Variants in EPM2A observed in about 807,000 individuals in gnomAD.
The protein encoded by EPM2A is EPM2A glucan phosphatase, laforin.
A neutral mutation model predicts 26.5 loss-of-function variants in EPM2A; 21 were observed. That is an observed-to-expected ratio of 0.79 (90% CI 0.56 to 1.14). The LOEUF (loss-of-function observed/expected upper bound fraction) is 1.14. Among genes scored for constraint, EPM2A ranks in the 50% most tolerant of loss-of-function variants. The pLI, the probability that EPM2A is intolerant of heterozygous loss-of-function variation, is 0.00. For synonymous variants in EPM2A, 217 were observed against 177.6 expected, an observed-to-expected ratio of 1.22 and a Z score of -1.76; for missense variants, 458 against 440.8, an observed-to-expected ratio of 1.04 and a Z score of -0.35.
At chr6:145,535,234 A>G (rs953947961) in intron 2 of EPM2A, among the ~76,000 whole-genome samples, 4 of 152,196 alleles carry the variant, frequency 2.6e-5, no homozygotes, top group African/African-American at 4.8e-5. Flanking sequence ...CTGTGTAACC[A>G]TCGCTTTAAA....
At chr6:145,459,458 T>C (rs1254455091) in intron 4 of EPM2A, among the ~76,000 whole-genome samples, 1 of 152,218 alleles carries the variant, frequency 6.6e-6, no homozygotes, top group East Asian at 1.9e-4. Flanking sequence ...TCCATATTTA[T>C]TCATCCAAAT....
intron 2 of EPM2A, among the ~76,000 whole-genome samples, chr6:145,676,225 C>A (rs1485775715): frequency 6.6e-6 from 1 of 151,944 alleles, no homozygotes; most frequent in Admixed American, 6.6e-5. Flanking sequence ...TCTTTGAAAC[C>A]AATGAAAACA....
At chr6:145,661,323 T>C (rs1023543533) in intron 2 of EPM2A, among the ~76,000 whole-genome samples, 11 of 152,342 alleles carry the variant, frequency 7.2e-5, no homozygotes, top group Admixed American at 1.3e-4. Context: ...CTTGAGTGTA[T>C]ATTTTTTCTA....
intron 2 of EPM2A, among the ~76,000 whole-genome samples, chr6:145,509,687 AT>A (rs990570698): frequency 6.6e-6 from 1 of 152,202 alleles, no homozygotes; most frequent in African/African-American, 2.4e-5. Context: ...AAGACTACAA[AT>A]CAATTAGCTA....
At chr6:145,543,815 C>T (rs1780547383) in intron 2 of EPM2A, among the ~76,000 whole-genome samples, 1 of 152,016 alleles carries the variant, frequency 6.6e-6, no homozygotes. Context: ...CCTAGATTTC[C>T]AAGAACTGTG....
At chr6:145,489,978 C>A (rs1357826510) in intron 4 of EPM2A, 1 of 1,384,410 alleles carries the variant, frequency 7.2e-7, no homozygotes, top group African/African-American at 1.4e-5. Flanking sequence ...GAACAAAGTA[C>A]CTGGCTGTCC....
intron 2 of EPM2A, among the ~76,000 whole-genome samples, chr6:145,544,701 A>G (rs1339717362): frequency 1.3e-5 from 2 of 152,182 alleles, no homozygotes; most frequent in African/African-American, 4.8e-5. Context: ...AGGATGTAGG[A>G]TGATGAATCA....
chr6:145,667,993 A>C (rs1779350886), intron 2 of EPM2A, among the ~76,000 whole-genome samples: 4 of 136,388 alleles, frequency 2.9e-5, no homozygotes, highest in Non-Finnish European at 6.2e-5. Context: ...GAAGGGGAAT[A>C]CCACACTCTG....
At chr6:145,646,546 C>A (rs1777481042) in intron 2 of EPM2A, among the ~76,000 whole-genome samples, 1 of 152,046 alleles carries the variant, frequency 6.6e-6, no homozygotes, top group African/African-American at 2.4e-5. Context: ...ACTGATCACC[C>A]TATTACCCTA....
intron 4 of EPM2A, among the ~76,000 whole-genome samples, chr6:145,461,060 C>T (rs1779323828): frequency 6.6e-6 from 1 of 152,112 alleles, no homozygotes; most frequent in Non-Finnish European, 1.5e-5. Context: ...CACCAGTTCC[C>T]TCATTCATCA....
intron 4 of EPM2A, among the ~76,000 whole-genome samples, chr6:145,399,085 G>A (rs1778446900): frequency 6.6e-6 from 1 of 151,988 alleles, no homozygotes; most frequent in African/African-American, 2.4e-5. Flanking sequence ...ACACATTCTA[G>A]ATCAAATAAA....
At chr6:145,584,871 C>T (rs1293581334) in intron 2 of EPM2A, among the ~76,000 whole-genome samples, 4 of 152,204 alleles carry the variant, frequency 2.6e-5, no homozygotes, top group African/African-American at 9.7e-5. Flanking sequence ...GTCCTGGTCC[C>T]TCCATGGGAG....
intron 4 of EPM2A, among the ~76,000 whole-genome samples, chr6:145,465,375 A>AT (rs1429976677): frequency 6.7e-6 from 1 of 150,302 alleles, no homozygotes; most frequent in Non-Finnish European, 1.5e-5. Context: ...ATTCTTCTAA[A>AT]TTTTTTTCAA....
rs948724604 is a variant in EPM2A at position 145,400,788 on chromosome 6, G to A, written c.556-16691C>T. ...TTAAATATATGTACTTAGCCAAACT[G>A]TTCACCATAAATTCTTGTCTCTTCT... is the stretch of plus-strand genomic sequence containing the variant. On this transcript the variant is annotated intron_variant, in intron 4 of 4. Coordinates refer to the EPM2A transcript ENST00000638717. 7.9e-5 allele frequency among the ~76,000 whole-genome samples: 12 copies of A among 152,090 alleles called. No individual in the cohort carries two copies. The South Asian group carries it at 1.9e-3, about 24-fold the overall frequency.
At chr6:145,464,673 T>C (rs573134095) in intron 4 of EPM2A, among the ~76,000 whole-genome samples, 7 of 152,288 alleles carry the variant, frequency 4.6e-5, no homozygotes, top group African/African-American at 1.7e-4. Flanking sequence ...GACAGTTACA[T>C]GTGTAACATA....
intron 4 of EPM2A, chr6:145,490,798 T>C (rs1300550634): frequency 6.9e-6 from 4 of 579,172 alleles, no homozygotes; most frequent in Admixed American, 6.1e-5. Flanking sequence ...CGATACTTTC[T>C]ACCTGTATGC....
At chr6:145,716,915 A>G (rs1457996407) in intron 1 of EPM2A, among the ~76,000 whole-genome samples, 1 of 152,224 alleles carries the variant, frequency 6.6e-6, no homozygotes, top group African/African-American at 2.4e-5. Context: ...ATTGCAACAC[A>G]AAAATAAATG....
intron 2 of EPM2A, among the ~76,000 whole-genome samples, chr6:145,648,255 A>G (rs2128575463): frequency 6.6e-6 from 1 of 152,348 alleles, no homozygotes; most frequent in East Asian, 1.9e-4. Context: ...TGACAGCCAC[A>G]TAAAAGGTAG....
intron 1 of EPM2A, among the ~76,000 whole-genome samples, chr6:145,699,823 ATTAG>A (rs1487322284): frequency 6.6e-6 from 1 of 152,210 alleles, no homozygotes; most frequent in African/African-American, 2.4e-5. Context: ...AAGCATTTAC[ATTAG>A]TTAATGATTC....
Sources: allele counts gnomAD v4.1 joint callset (sites outside exome capture counted in the v4.1 genomes callset), GRCh38; gene constraint gnomAD v4.1.1; transcripts MANE v1.5; gene names NCBI Gene and HGNC (gene_info 2026-07-23, HGNC 2026-07-21).